Variants in RXRG observed in about 807,000 individuals in gnomAD.
RXRG encodes the protein retinoic acid receptor RXR-gamma.
A neutral mutation model predicts 49.2 loss-of-function variants in RXRG; 19 were observed. The ratio of observed to expected loss-of-function variants is 0.39; its 90% CI spans 0.27 to 0.57. RXRG has a LOEUF of 0.57. Among genes scored for constraint, RXRG ranks in the 20% least tolerant of loss-of-function variants. The pLI, the probability that RXRG is intolerant of heterozygous loss-of-function variation, is 0.64. For synonymous variants in RXRG, 224 were observed against 216.6 expected, an observed-to-expected ratio of 1.03 and a Z score of -0.30; for missense variants, 452 against 592.5, an observed-to-expected ratio of 0.76 and a Z score of 2.46.
chr1:165,408,443 G>A, intron 7 of RXRG, 125 bp from the exon 8 acceptor site: 1 of 669,950 alleles, frequency 1.5e-6, no homozygotes, highest in Non-Finnish European at 2.7e-6. Context: ...AGTTACTAGG[G>A]GTACAGAAAT....
chr1:165,408,090 A>G, intron 8 of RXRG, 137 bp downstream of exon 8: 2 of 707,436 alleles, frequency 2.8e-6, no homozygotes, highest in East Asian at 5.0e-5. Flanking sequence ...TCTAGCTGAC[A>G]CTGTGAGCTC....
At chr1:165,420,497 G>A (rs1432936270) in intron 2 of RXRG, among the ~76,000 whole-genome samples, 1 of 152,152 alleles carries the variant, frequency 6.6e-6, no homozygotes, top group Non-Finnish European at 1.5e-5. Flanking sequence ...TATTCCCTGG[G>A]CACTCAGAAT....
intron 1 of RXRG, chr1:165,436,941 A>G (rs539678632): frequency 1.8e-6 from 2 of 1,129,242 alleles, no homozygotes; most frequent in South Asian, 4.1e-5. Flanking sequence ...GCCTGTTATC[A>G]TCTTTAATTC....
intron 2 of RXRG, among the ~76,000 whole-genome samples, chr1:165,422,109 G>T (rs764267850): frequency 6.6e-6 from 1 of 152,110 alleles, no homozygotes; most frequent in African/African-American, 2.4e-5. Context: ...GGTTCAAGGG[G>T]TCCTCACCCT....
intron 1 of RXRG, among the ~76,000 whole-genome samples, 195 bp downstream of exon 1, chr1:165,444,650 C>T (rs1659103322): frequency 6.6e-6 from 1 of 152,206 alleles, no homozygotes; most frequent in South Asian, 2.1e-4. Flanking sequence ...TCCTCACCTA[C>T]AGACCATTCT....
chr1:165,428,630 A>G (rs1658567292), intron 2 of RXRG, 89 bp downstream of exon 2: 22 of 1,450,330 alleles, frequency 1.5e-5, no homozygotes, highest in Admixed American at 2.2e-5. Flanking sequence ...CGCATTATGG[A>G]CCTGCTGAGT....
chr1:165,437,351 A>C, intron 1 of RXRG: 1 of 592,476 alleles, frequency 1.7e-6, no homozygotes, highest in Non-Finnish European at 2.6e-6. Flanking sequence ...TGATGTCTTC[A>C]AAATATTTGG....
chr1:165,407,768 G>A (rs761984778), intron 8 of RXRG, among the ~76,000 whole-genome samples: 3 of 151,622 alleles, frequency 2.0e-5, no homozygotes, highest in South Asian at 2.1e-4. Context: ...CTACCCACCC[G>A]CTGTCAGAAC....
At chr1:165,431,393 G>A (rs1658671431) in intron 1 of RXRG, among the ~76,000 whole-genome samples, 1 of 152,224 alleles carries the variant, frequency 6.6e-6, no homozygotes, top group Non-Finnish European at 1.5e-5. Context: ...ACTCTTCTGA[G>A]GCCCTGGGGG....
Position 165,420,018 on chromosome 1 carries a change from C to A in RXRG, c.298-4G>T, listed in dbSNP as rs749590923. The A allele has an allele frequency of 4.4e-6, 7 of 1,584,902 alleles. No individual in the cohort carries two copies. Among genetic ancestry groups the A allele is most frequent in the African/African-American group, 1.4e-5 (1 of 73,632 alleles). The stretch of plus-strand genomic sequence containing the variant: ...TGACACTGTTGACCACATTTAGCTG[C>A]AAGAGAAAAAAATACTGTAAAGCAC... On this transcript the variant is annotated splice_region_variant and splice_polypyrimidine_tract_variant and intron_variant, in intron 2 of 9. Transcript: ENST00000359842.
intron 9 of RXRG, 144 bp from the exon 10 acceptor site, chr1:165,401,554 T>C (rs1657566687): frequency 1.1e-6 from 1 of 871,014 alleles, no homozygotes; most frequent in Admixed American, 2.6e-5. Context: ...TCACAGAATC[T>C]CTAAGCCTAA....
chr1:165,408,251 G>T lies in RXRG; in HGVS notation c.1114C>A (p.Arg372=), dbSNP rs17847949. ...QMDKSELGCL[R]AIVLFNPDAK... ...CCTGGGTTAAAGAGTACAATGGCTC[G>T]CAGGCATCCCAGTTCCGACTTGTCC... is the stretch of plus-strand genomic sequence containing the variant. Residue 372 remains arginine, a synonymous_variant, in exon 8 of 10, where the codon CGA becomes AGA. Coordinates refer to ENST00000359842, the MANE Select transcript of RXRG (RefSeq NM_006917.5). 1,219 of 1,613,856 alleles carry T rather than the reference G, an allele frequency of 7.6e-4. 17 individuals carry two copies. In the South Asian group the frequency reaches 0.012, roughly 16 times the overall value.
At chr1:165,429,624 A>G (rs1462864738) in intron 1 of RXRG, among the ~76,000 whole-genome samples, 1 of 152,122 alleles carries the variant, frequency 6.6e-6, no homozygotes, top group Admixed American at 6.5e-5. Context: ...CCCTCTCTAT[A>G]GTACAGGGTT....
chr1:165,412,539 C>G (rs971465104), intron 4 of RXRG, among the ~76,000 whole-genome samples: 3 of 152,148 alleles, frequency 2.0e-5, no homozygotes, highest in Non-Finnish European at 2.9e-5. Context: ...CTTAGTAAGC[C>G]CCAGATCCCT....
chr1:165,410,437 T>G (rs1239105733), intron 6 of RXRG, among the ~76,000 whole-genome samples: 1 of 152,230 alleles, frequency 6.6e-6, no homozygotes, highest in Admixed American at 6.5e-5. Context: ...AGCCACTGCT[T>G]CAAATTATCC....
chr1:165,414,910 A>G (rs1432201160), intron 4 of RXRG, among the ~76,000 whole-genome samples: 1 of 152,256 alleles, frequency 6.6e-6, no homozygotes, highest in Non-Finnish European at 1.5e-5. Flanking sequence ...TTCTGATTTC[A>G]GCATTCAGTT....
intron 4 of RXRG, among the ~76,000 whole-genome samples, chr1:165,412,484 A>G (rs1252598976): frequency 2.0e-5 from 3 of 152,194 alleles, no homozygotes; most frequent in Admixed American, 6.5e-5. Context: ...TTTCACATAT[A>G]ACTCTACCCC....
chr1:165,443,504 C>G (rs902552186), intron 1 of RXRG, among the ~76,000 whole-genome samples: 1 of 152,146 alleles, frequency 6.6e-6, no homozygotes, highest in African/African-American at 2.4e-5. Flanking sequence ...ACCTCGGGAA[C>G]ATTTCCATGG....
chr1:165,403,998 C>T (rs1657665645), intron 9 of RXRG, among the ~76,000 whole-genome samples: 1 of 152,200 alleles, frequency 6.6e-6, no homozygotes, highest in Non-Finnish European at 1.5e-5. Context: ...TGTGACCTGA[C>T]TTTTGATCTC....
Sources: allele counts gnomAD v4.1 joint callset (sites outside exome capture counted in the v4.1 genomes callset), GRCh38; gene constraint gnomAD v4.1.1; transcripts MANE v1.5; gene names NCBI Gene and HGNC (gene_info 2026-07-23, HGNC 2026-07-21).